ZNF704: variants seen among roughly 807,000 people sequenced by gnomAD.
ZNF704 encodes the protein zinc finger protein 704, also known as glucocorticoid induced gene 1.
Under a neutral mutation model 44.7 loss-of-function variants are expected in ZNF704, and 10 were observed. The observed-to-expected ratio is 0.22, with a 90% CI of 0.14 to 0.38. The LOEUF is 0.38. Ranked by LOEUF, ZNF704 falls within the 10% of genes least tolerant of loss-of-function variation. The pLI is 1.00. For missense variants in ZNF704, 390 were observed against 545.5 expected, an observed-to-expected ratio of 0.71 and a Z score of 2.84; for synonymous variants, 211 against 207.6, an observed-to-expected ratio of 1.02 and a Z score of -0.14.
intron 1 of ZNF704, among the ~76,000 whole-genome samples, chr8:80,853,788 G>T (rs190954519): frequency 1.3e-5 from 2 of 152,142 alleles, no homozygotes; most frequent in African/African-American, 4.8e-5. Flanking sequence ...TTGAGTACTG[G>T]TACCACTAAT....
chr8:80,768,718 G>C (rs1586013898), intron 2 of ZNF704, among the ~76,000 whole-genome samples: 1 of 152,094 alleles, frequency 6.6e-6, no homozygotes, highest in Non-Finnish European at 1.5e-5. Flanking sequence ...GCTTATACTA[G>C]CTTATGAAGG....
intron 2 of ZNF704, among the ~76,000 whole-genome samples, chr8:80,746,355 G>C (rs890900104): frequency 1.3e-5 from 2 of 152,100 alleles, no homozygotes; most frequent in African/African-American, 4.8e-5. Context: ...GGTTTTAATA[G>C]GGCAGACCTG....
chr8:80,782,420 G>T (rs1807543022), intron 2 of ZNF704, among the ~76,000 whole-genome samples: 1 of 152,194 alleles, frequency 6.6e-6, no homozygotes, highest in Non-Finnish European at 1.5e-5. Flanking sequence ...CCTCAGGGAT[G>T]TTTTTAACTA....
intron 1 of ZNF704, among the ~76,000 whole-genome samples, chr8:80,841,720 G>T (rs1808682827): frequency 6.6e-6 from 1 of 152,140 alleles, no homozygotes; most frequent in African/African-American, 2.4e-5. Context: ...GAGATCCCTA[G>T]CAGAGATACA....
chr8:80,746,454 G>C (rs1467207049), intron 2 of ZNF704, among the ~76,000 whole-genome samples: 1 of 152,120 alleles, frequency 6.6e-6, no homozygotes, highest in Non-Finnish European at 1.5e-5. Context: ...TAGATATTGG[G>C]GATATTGTAC....
Position 80,638,785 on chromosome 8 carries a change from T to G in ZNF704, c.*2581A>C. ...AAGGTACTGAGGGTCTGTCTGCACC[T>G]GAAGCCAGAAAAGAAAGTACACAGA... On this transcript the variant is annotated 3_prime_UTR_variant, in exon 9 of 9. Coordinates refer to ENST00000327835, the MANE Select transcript of ZNF704 (RefSeq NM_001033723.3). The G allele has an allele frequency of 6.6e-6, 1 of 152,210 alleles. No individual in the cohort carries two copies. The highest frequency in any genetic ancestry group is 1.9e-4 in the East Asian group (1 of 5,196). 9.4% of individuals were successfully genotyped at this position (152,210 alleles called of 1,614,324 possible). A position where few individuals can be genotyped will look rare whatever the true frequency, so the allele number is the denominator to read the frequency against.
At chr8:80,853,178 C>T (rs1379058766) in intron 1 of ZNF704, among the ~76,000 whole-genome samples, 1 of 151,926 alleles carries the variant, frequency 6.6e-6, no homozygotes, top group Non-Finnish European at 1.5e-5. Flanking sequence ...CCAGCCTAGG[C>T]AACACAGAAC....
intron 2 of ZNF704, chr8:80,749,706 A>G (rs1403226477): frequency 6.5e-6 from 1 of 153,094 alleles, no homozygotes; most frequent in Non-Finnish European, 1.5e-5. Flanking sequence ...CCCTTTACTC[A>G]CACTTTTAAT....
At chr8:80,755,934 A>C (rs939504948) in intron 2 of ZNF704, among the ~76,000 whole-genome samples, 1 of 151,718 alleles carries the variant, frequency 6.6e-6, no homozygotes, top group African/African-American at 2.4e-5. Flanking sequence ...TCAAGACCCC[A>C]TCTCTTAAAA....
intron 2 of ZNF704, among the ~76,000 whole-genome samples, chr8:80,710,325 A>G (rs1374515231): frequency 6.6e-6 from 1 of 152,160 alleles, no homozygotes; most frequent in Non-Finnish European, 1.5e-5. Flanking sequence ...TTCAGCCTGT[A>G]TATTCATTAA....
intron 2 of ZNF704, among the ~76,000 whole-genome samples, chr8:80,760,726 G>T (rs958183163): frequency 6.6e-6 from 1 of 151,528 alleles, no homozygotes; most frequent in East Asian, 1.9e-4. Flanking sequence ...AAGAAAAGAG[G>T]TTTCATTTAT....
At position 80,821,363 on chromosome 8, in the gene ZNF704, T is replaced by C. The variant is rs768735096; in HGVS notation, c.221+11A>G. On this transcript the variant is annotated intron_variant, in intron 2 of 8. Transcript: ENST00000327835. ...TGGGGCAGACACATGTGAGATTTAA[T>C]GTTCCCTTACCTTGCTGGAGGAACA... 1.9e-6 allele frequency: 3 copies of C among 1,613,114 alleles called. No individual in the cohort carries two copies. The highest frequency in any genetic ancestry group is 1.1e-5 in the South Asian group (1 of 90,896).
chr8:80,783,398 G>C (rs182622049), intron 2 of ZNF704, among the ~76,000 whole-genome samples: 1 of 152,228 alleles, frequency 6.6e-6, no homozygotes, highest in African/African-American at 2.4e-5. Context: ...AATGTGTGCT[G>C]TGGTGGTTTG....
intron 2 of ZNF704, among the ~76,000 whole-genome samples, chr8:80,767,789 T>G (rs1408292560): frequency 2.0e-5 from 3 of 152,304 alleles, no homozygotes; most frequent in South Asian, 4.1e-4. Context: ...CTCAGCTTTT[T>G]TGCTGCTATT....
At chr8:80,697,175 G>A (rs1818739672) in intron 2 of ZNF704, among the ~76,000 whole-genome samples, 1 of 152,186 alleles carries the variant, frequency 6.6e-6, no homozygotes, top group African/African-American at 2.4e-5. Context: ...TGAGGGATGT[G>A]GTGGAAAAGG....
In ZNF704 at chr8:80,635,939, C is replaced by G. The variant is rs1272006042; in HGVS notation, c.*5427G>C. 1 of 152,184 alleles carries G rather than the reference C, an allele frequency of 6.6e-6. No homozygotes were observed. Among genetic ancestry groups the G allele is most frequent in the East Asian group, 1.9e-4 (1 of 5,192 alleles). 9.4% of individuals were successfully genotyped at this position (152,184 alleles called of 1,614,324 possible). A position where few individuals can be genotyped will look rare whatever the true frequency, so the allele number is the denominator to read the frequency against. The stretch of plus-strand genomic sequence containing the variant: ...CCCTTTGTTTGGTGAGCAAGAATTA[C>G]TTATAATATTAATACTTCCTGCCTG... On this transcript the variant is annotated 3_prime_UTR_variant, in exon 9 of 9. Coordinates refer to ENST00000327835, the MANE Select transcript of ZNF704 (RefSeq NM_001033723.3).
intron 3 of ZNF704, among the ~76,000 whole-genome samples, chr8:80,687,754 G>GAA (rs202098680): frequency 2.0e-5 from 3 of 151,870 alleles, no homozygotes; most frequent in African/African-American, 7.3e-5. Flanking sequence ...GGGATTATAT[G>GAA]AAAAAAAAGA....
chr8:80,745,872 C>A (rs1806835628), intron 2 of ZNF704, among the ~76,000 whole-genome samples: 1 of 152,126 alleles, frequency 6.6e-6, no homozygotes, highest in Non-Finnish European at 1.5e-5. Flanking sequence ...AAAACAGGAA[C>A]AAGCAGGCCC....
chr8:80,839,348 A>G (rs1808637148), intron 1 of ZNF704, among the ~76,000 whole-genome samples: 1 of 152,252 alleles, frequency 6.6e-6, no homozygotes, highest in African/African-American at 2.4e-5. Context: ...TTTCATTTAA[A>G]ATACAATTTA....
Sources: allele counts gnomAD v4.1 joint callset (sites outside exome capture counted in the v4.1 genomes callset), GRCh38; gene constraint gnomAD v4.1.1; transcripts MANE v1.5; gene names NCBI Gene and HGNC (gene_info 2026-07-23, HGNC 2026-07-21).